Variants in KDM4C observed in about 807,000 individuals in gnomAD.
KDM4C encodes lysine demethylase 4C, also known as lysine-specific demethylase 4C.
A neutral mutation model predicts 129.3 loss-of-function variants in KDM4C; 81 were observed. That is an observed-to-expected ratio of 0.63 (90% confidence interval 0.52 to 0.75). The LOEUF (loss-of-function observed/expected upper bound fraction) is 0.75. KDM4C is among the 30% of genes least tolerant of loss of function. The pLI is 0.00. For synonymous variants in KDM4C, 573 were observed against 456.1 expected (o/e 1.26, Z -3.26); for missense variants, 1,457 against 1,304.0 (o/e 1.12, Z -1.81).
chr9:6,823,364 C>G (rs1833358320), intron 4 of KDM4C, among the ~76,000 whole-genome samples: 1 of 152,170 alleles, frequency 6.6e-6, no homozygotes, highest in Non-Finnish European at 1.5e-5. Context: ...GCAATTTAGC[C>G]TTTGGATTCT....
Position 6,966,039 on chromosome 9 carries a change from A to G in KDM4C, c.922-14886A>G, listed in dbSNP as rs371516508. Among the ~76,000 whole-genome samples, 45 of 152,384 alleles carry G rather than the reference A, an allele frequency of 3.0e-4. 1 individual carries two copies. The East Asian group carries it at 5.6e-3, about 19-fold the overall frequency. On this transcript the variant is annotated intron_variant, in intron 8 of 21. Coordinates refer to ENST00000381309, the MANE Select transcript of KDM4C (RefSeq NM_015061.6). ...TTTTATTAAATGCAGAGAAAGCAGCATGCTTTTTTTATTAAAAACTTTCAG... is the reference window on the plus strand; with the variant it reads ...TTTTATTAAATGCAGAGAAAGCAGCGTGCTTTTTTTATTAAAAACTTTCAG...
intron 4 of KDM4C, among the ~76,000 whole-genome samples, chr9:6,827,208 G>A (rs1564103603): frequency 6.6e-6 from 1 of 152,244 alleles, no homozygotes; most frequent in Non-Finnish European, 1.5e-5. Context: ...ATTCCTAGCT[G>A]TGACTTTCAG....
chr9:6,762,628 A>G (rs1237726447), intron 1 of KDM4C, among the ~76,000 whole-genome samples: 1 of 147,834 alleles, frequency 6.8e-6, no homozygotes, highest in Non-Finnish European at 1.5e-5. Flanking sequence ...TCTTTATATT[A>G]TATAATATAT....
At chr9:6,874,616 G>C (rs747170646) in intron 5 of KDM4C, among the ~76,000 whole-genome samples, 1 of 152,082 alleles carries the variant, frequency 6.6e-6, no homozygotes, top group Non-Finnish European at 1.5e-5. Flanking sequence ...TAAATTTTTA[G>C]GGCAGTTCTT....
At chr9:7,132,645 A>G (rs1001947595) in intron 19 of KDM4C, among the ~76,000 whole-genome samples, 6 of 152,126 alleles carry the variant, frequency 3.9e-5, no homozygotes, top group African/African-American at 1.4e-4. Flanking sequence ...TTTGCCTTCC[A>G]CTATTTTGAT....
At chr9:6,900,195 C>G (rs1240121662) in intron 8 of KDM4C, among the ~76,000 whole-genome samples, 1 of 152,054 alleles carries the variant, frequency 6.6e-6, no homozygotes, top group Admixed American at 6.6e-5. Context: ...TCAGGGTGGT[C>G]CTATATCTTA....
chr9:7,059,534 C>G (rs1024569715), intron 17 of KDM4C, among the ~76,000 whole-genome samples: 3 of 152,188 alleles, frequency 2.0e-5, no homozygotes, highest in South Asian at 2.1e-4. Context: ...AGTTCATTAC[C>G]TTTAGGAACT....
At chr9:7,128,761 A>T (rs1053101885) in intron 19 of KDM4C, among the ~76,000 whole-genome samples, 3 of 151,898 alleles carry the variant, frequency 2.0e-5, no homozygotes, top group Non-Finnish European at 2.9e-5. Flanking sequence ...TGTGGCGGAG[A>T]CTAGAACTCT....
chr9:6,806,641 C>T (rs1214318566), intron 3 of KDM4C, among the ~76,000 whole-genome samples: 1 of 152,070 alleles, frequency 6.6e-6, no homozygotes. Flanking sequence ...AGCATGTTGG[C>T]TGGGCTACAG....
intron 17 of KDM4C, among the ~76,000 whole-genome samples, chr9:7,059,741 A>C (rs752537226): frequency 4.6e-5 from 7 of 152,254 alleles, no homozygotes; most frequent in Non-Finnish European, 8.8e-5. Context: ...TAAACTGGGC[A>C]GAGATTGGCA....
chr9:7,057,475 T>G (rs2381537), intron 17 of KDM4C, among the ~76,000 whole-genome samples: 23,520 of 152,260 alleles, frequency 0.15, 2,759 homozygotes, highest in African/African-American at 0.32. Context: ...CCCTGTATCC[T>G]CCACTTGGGC....
intron 8 of KDM4C, among the ~76,000 whole-genome samples, chr9:6,958,258 T>G (rs1305121699): frequency 6.6e-6 from 1 of 152,136 alleles, no homozygotes; most frequent in Non-Finnish European, 1.5e-5. Context: ...TAGAAATTAT[T>G]TAACTACTGT....
At chr9:7,128,610 C>G (rs1338214342) in intron 19 of KDM4C, among the ~76,000 whole-genome samples, 1 of 152,188 alleles carries the variant, frequency 6.6e-6, no homozygotes, top group African/African-American at 2.4e-5. Context: ...TCTTTTATGA[C>G]TTTCTTTTCT....
chr9:6,985,105 T>C (rs1201267970), intron 10 of KDM4C, among the ~76,000 whole-genome samples: 1 of 152,188 alleles, frequency 6.6e-6, no homozygotes, highest in African/African-American at 2.4e-5. Flanking sequence ...TCCTCCTCAC[T>C]CATGGCACCA....
intron 5 of KDM4C, among the ~76,000 whole-genome samples, chr9:6,854,946 C>T (rs373995826): frequency 6.6e-6 from 1 of 152,150 alleles, no homozygotes; most frequent in African/African-American, 2.4e-5. Context: ...AATTTTCTCT[C>T]CTAAAATACT....
chr9:6,892,950 T>C, intron 7 of KDM4C, 145 bp from the exon 8 acceptor site: 1 of 508,330 alleles, frequency 2.0e-6, no homozygotes, highest in Non-Finnish European at 3.1e-6. Context: ...AAGGATTAAG[T>C]AATGAATCTG....
At chr9:7,164,690 C>T (rs546450662) in intron 19 of KDM4C, among the ~76,000 whole-genome samples, 1 of 152,332 alleles carries the variant, frequency 6.6e-6, no homozygotes, top group African/African-American at 2.4e-5. Flanking sequence ...TTGTCCCCTG[C>T]TCCACTTCCA....
chr9:6,919,225 T>TTCTTTCTTTCTTG (rs1820909091), intron 8 of KDM4C, among the ~76,000 whole-genome samples: 1 of 83,670 alleles, frequency 1.2e-5, no homozygotes, highest in Non-Finnish European at 2.7e-5. Flanking sequence ...TCTTTTTCCT[T>TTCTTTCTTTCTTG]CTTTCTTTCT....
rs867468159 is a variant in KDM4C at position 7,050,942 on chromosome 9, G to A, written c.2424+1742G>A. Among the ~76,000 whole-genome samples the A allele has an allele frequency of 9.9e-5, 15 of 152,266 alleles. No individual in the cohort carries two copies. In the Middle Eastern group the frequency reaches 0.01, roughly 104 times the overall value. On this transcript the variant is annotated intron_variant, in intron 17 of 21. Coordinates refer to ENST00000381309, the MANE Select transcript of KDM4C (RefSeq NM_015061.6). ...CAGTGCTGTGCTTCATCTTGATAGTGCATATCACATTTCTCATGGAACATT... is the reference window on the plus strand; with the variant it reads ...CAGTGCTGTGCTTCATCTTGATAGTACATATCACATTTCTCATGGAACATT...
Sources: gnomAD v4.1 joint callset for allele counts (sites outside exome capture counted in the v4.1 genomes callset) on GRCh38, gnomAD v4.1.1 for gene constraint, MANE v1.5 for transcripts, NCBI Gene and HGNC (gene_info 2026-07-23, HGNC 2026-07-21) for gene names.